The following RIC3 variants were observed in gnomAD, a reference collection of about 807,000 sequenced individuals.
The protein encoded by RIC3 is RIC3 acetylcholine receptor chaperone, also known as protein RIC-3.
RIC3 carries 28 observed loss-of-function variants against 27.3 expected under a neutral mutation model. The observed-to-expected ratio is 1.02, with a 90% CI of 0.76 to 1.41. The LOEUF is 1.41. RIC3 is among the 40% of genes most tolerant of loss of function. RIC3 has a pLI of 0.00. For synonymous variants in RIC3, 184 were observed against 160.4 expected (o/e 1.15, Z -1.11); for missense variants, 501 against 444.7 (o/e 1.13, Z -1.14).
the RIC3 span, among the ~76,000 whole-genome samples, chr11:8,096,080 G>A: frequency 1.3e-5 from 2 of 152,208 alleles, no homozygotes; most frequent in African/African-American, 4.8e-5. Context: ...GCCACACATT[G>A]TGAGGAATCT....
chr11:8,094,928 C>T, the RIC3 span, among the ~76,000 whole-genome samples: 6 of 152,228 alleles, frequency 3.9e-5, no homozygotes, highest in Admixed American at 6.5e-5. Context: ...TGGGTCAGGC[C>T]TTGCTTCTGT....
downstream of RIC3, chr11:8,102,975 T>C (rs550832752): frequency 1.3e-5 from 2 of 152,260 alleles, no homozygotes; most frequent in African/African-American, 4.8e-5. Context: ...AGCATCAGAG[T>C]TGATAAATTA....
intron 2 of RIC3, 98 bp from the exon 3 acceptor site, chr11:8,138,445 A>C (rs990355673): frequency 2.8e-6 from 2 of 716,636 alleles, no homozygotes; most frequent in African/African-American, 1.8e-5. Flanking sequence ...GGAAACAAAA[A>C]TGAAGGTCAG....
At chr11:8,117,230 C>A (rs1209848928) in intron 5 of RIC3, among the ~76,000 whole-genome samples, 1 of 152,158 alleles carries the variant, frequency 6.6e-6, no homozygotes, top group Non-Finnish European at 1.5e-5. Context: ...CCATGCCTAG[C>A]AAATTTTTGT....
chr11:8,155,079 G>A (rs1950554733), intron 1 of RIC3, among the ~76,000 whole-genome samples: 1 of 151,894 alleles, frequency 6.6e-6, no homozygotes, highest in African/African-American at 2.4e-5. Flanking sequence ...AAATCAGCCG[G>A]GTGTGGTGGC....
chr11:8,145,017 C>T (rs1949517653), intron 1 of RIC3, among the ~76,000 whole-genome samples: 1 of 92,146 alleles, frequency 1.1e-5, no homozygotes, highest in South Asian at 4.0e-4. Flanking sequence ...ATATCACACT[C>T]TGGGGACTGT....
At chr11:8,101,641 G>A, downstream of RIC3, 2 of 1,613,450 alleles carry the variant, frequency 1.2e-6, no homozygotes, top group Non-Finnish European at 1.7e-6. Flanking sequence ...TGCCCTTTGG[G>A]GTTGCCCAGC....
intron 4 of RIC3, among the ~76,000 whole-genome samples, chr11:8,132,143 T>A (rs752439680): frequency 6.6e-6 from 1 of 152,124 alleles, no homozygotes; most frequent in Non-Finnish European, 1.5e-5. Context: ...GACCATACCA[T>A]GCTTCTAGCA....
chr11:8,149,496 G>A (rs1027691892), intron 1 of RIC3, among the ~76,000 whole-genome samples: 1 of 152,104 alleles, frequency 6.6e-6, no homozygotes, highest in Admixed American at 6.5e-5. Context: ...ACTTGATGGG[G>A]ATTAATCCAG....
the RIC3 span, among the ~76,000 whole-genome samples, chr11:8,093,830 G>T: frequency 6.6e-6 from 1 of 152,188 alleles, no homozygotes. Context: ...ACACTGGGCT[G>T]GGGGTGCCGC....
intron 4 of RIC3, among the ~76,000 whole-genome samples, chr11:8,130,667 A>C (rs1220440455): frequency 6.6e-6 from 1 of 152,156 alleles, no homozygotes; most frequent in African/African-American, 2.4e-5. Context: ...TCTAGTATGT[A>C]GTCACTCTAT....
At chr11:8,152,978 A>G (rs1371588277) in intron 1 of RIC3, among the ~76,000 whole-genome samples, 2 of 152,218 alleles carry the variant, frequency 1.3e-5, no homozygotes, top group East Asian at 3.8e-4. Context: ...GGGTTTCAAA[A>G]AGCAATGCTG....
chr11:8,147,709 T>C (rs1949839652), intron 1 of RIC3, among the ~76,000 whole-genome samples: 1 of 151,050 alleles, frequency 6.6e-6, no homozygotes, highest in Admixed American at 6.6e-5. Context: ...GCCTGTTAGG[T>C]AGAACTTGCG....
the RIC3 span, chr11:8,093,928 C>T: frequency 4.2e-6 from 5 of 1,186,738 alleles, no homozygotes; most frequent in Non-Finnish European, 6.1e-6. Context: ...GTACAGGGGC[C>T]CTGGTGGGAC....
chr11:8,100,836 C>G, the RIC3 span: 2 of 1,614,048 alleles, frequency 1.2e-6, no homozygotes, highest in Non-Finnish European at 1.7e-6. Flanking sequence ...GAGCATGAGA[C>G]ACTGCTAGCA....
At position 8,106,301 on chromosome 11, in the gene RIC3, T is replaced by A. The variant is rs1479028221; in HGVS notation, c.*4397A>T. 6.6e-6 allele frequency: 1 copy of A among 152,230 alleles called. No homozygotes were observed. The highest frequency in any genetic ancestry group is 1.5e-5 in the Non-Finnish European group (1 of 68,032). 9.4% of individuals were successfully genotyped at this position (152,230 alleles called of 1,614,324 possible). On this transcript the variant is annotated 3_prime_UTR_variant, in exon 6 of 6. Coordinates refer to ENST00000309737, the MANE Select transcript of RIC3 (RefSeq NM_001206671.4). ...AGCCCTGTTTACTTCCTAATTTTTTTCTATACCTTTCATTCATTGTTTCCT... is the reference window on the plus strand; with the variant it reads ...AGCCCTGTTTACTTCCTAATTTTTTACTATACCTTTCATTCATTGTTTCCT...
the RIC3 span, chr11:8,093,932 G>T: frequency 3.3e-5 from 41 of 1,255,618 alleles, no homozygotes; most frequent in Admixed American, 1.8e-5. Context: ...AGGGGCCCTG[G>T]TGGGACTCGG....
intron 1 of RIC3, among the ~76,000 whole-genome samples, chr11:8,154,802 T>C (rs1434942921): frequency 6.6e-6 from 1 of 152,224 alleles, no homozygotes; most frequent in Non-Finnish European, 1.5e-5. Context: ...AGAATAAAGA[T>C]ATCAGAACAT....
chr11:8,153,357 A>G lies in RIC3; in HGVS notation c.125-13164T>C, dbSNP rs1304662902. 2.1e-5 allele frequency: 9 copies of G among 433,664 alleles called. No individual in the cohort carries two copies. In the Admixed American group the frequency reaches 2.2e-4, roughly 11 times the overall value. The allele number at this position is 433,664 out of a possible 1,614,324, so 26.9% of individuals were successfully genotyped here. A position where few individuals can be genotyped will look rare whatever the true frequency, so the allele number is the denominator to read the frequency against. On this transcript the variant is annotated intron_variant, in intron 1 of 5. Coordinates refer to ENST00000309737, the MANE Select transcript of RIC3 (RefSeq NM_001206671.4). The stretch of plus-strand genomic sequence containing the variant: ...TTTACAGACAGGGAGCATAGTTACA[A>G]TGACATGGTAACTCTACCTTAACCG...
Sources: allele counts gnomAD v4.1 joint callset (sites outside exome capture counted in the v4.1 genomes callset), GRCh38; gene constraint gnomAD v4.1.1; transcripts MANE v1.5; gene names NCBI Gene and HGNC (gene_info 2026-07-23, HGNC 2026-07-21).